Variants in TSPAN12 observed in about 807,000 individuals in gnomAD.
TSPAN12 encodes tetraspanin 12, also known as tetraspanin-12.
TSPAN12 carries 19 observed loss-of-function variants against 39.2 expected under a neutral mutation model. The ratio of observed to expected loss-of-function variants is 0.49; its 90% CI spans 0.34 to 0.71. The LOEUF is 0.71. TSPAN12 is among the 30% of genes least tolerant of loss of function. The probability of loss-of-function intolerance (pLI) is 0.01; values close to 1 mark genes in which losing one functional copy is unlikely to be tolerated. For synonymous variants in TSPAN12, 119 were observed against 124.8 expected (o/e 0.95, Z 0.31); for missense variants, 314 against 359.9 (o/e 0.87, Z 1.03).
intron 7 of TSPAN12, among the ~76,000 whole-genome samples, chr7:120,800,843 G>A (rs1358111183): frequency 7.0e-6 from 1 of 143,350 alleles, no homozygotes; most frequent in African/African-American, 2.6e-5. Context: ...TCACCGCCTA[G>A]GTTCACCTCC....
chr7:120,818,940 A>G (rs1285674018), intron 4 of TSPAN12, among the ~76,000 whole-genome samples: 1 of 152,126 alleles, frequency 6.6e-6, no homozygotes, highest in African/African-American at 2.4e-5. Flanking sequence ...TTTACTTAAG[A>G]GATTTCTAGA....
At position 120,806,632 on chromosome 7, in the gene TSPAN12, G is replaced by A. The variant is rs1793879914; in HGVS notation, c.529C>T (p.Pro177Ser). The change falls in exon 7 of 8, where the codon CCC becomes TCC. Residue 177 changes from proline to serine, a missense_variant. Physicochemically the swap from Pro to Ser is moderately conservative, Grantham distance 74 (BLOSUM62 -1). Coordinates refer to ENST00000222747, the MANE Select transcript of TSPAN12 (RefSeq NM_012338.4). ...TCTCTAACACAGCAGGAATCTGGGG[G>A]CCAGTCCATCTCTGTCATTTCCAAC... ...DWLEMTEMDW[P>S]PDSCCVREFP... 1 of 1,613,370 alleles carries A rather than the reference G, an allele frequency of 6.2e-7. No homozygotes were observed. Among genetic ancestry groups the A allele is most frequent in the African/African-American group, 1.3e-5 (1 of 74,836 alleles).
chr7:120,856,811 C>T lies in TSPAN12; in HGVS notation c.-48G>A. ...CCCCATCCTTTCACCACATCCTACTCCCAAGGGCAAAACGGCAGCGATCTG... is the reference window on the plus strand; with the variant it reads ...CCCCATCCTTTCACCACATCCTACTTCCAAGGGCAAAACGGCAGCGATCTG... On this transcript the variant is annotated 5_prime_UTR_variant, in exon 2 of 8. Coordinates refer to ENST00000222747, the MANE Select transcript of TSPAN12 (RefSeq NM_012338.4). The T allele has an allele frequency of 6.2e-7, 1 of 1,606,428 alleles. No homozygotes were observed. Among genetic ancestry groups the T allele is most frequent in the South Asian group, 1.1e-5 (1 of 90,932 alleles).
At chr7:120,856,506 T>C (rs973354080) in intron 2 of TSPAN12, among the ~76,000 whole-genome samples, 192 bp downstream of exon 2, 1 of 152,246 alleles carries the variant, frequency 6.6e-6, no homozygotes, top group Non-Finnish European at 1.5e-5. Flanking sequence ...ATTTCTTTGT[T>C]CTAATTACAA....
In TSPAN12 at chr7:120,788,797, ATGG is replaced by A; in HGVS notation, c.710_712del (p.Ala237_Met238delinsVal). The A allele has an allele frequency of 6.2e-7, 1 of 1,614,182 alleles. No homozygotes were observed. Among genetic ancestry groups the A allele is most frequent in the Non-Finnish European group, 8.5e-7 (1 of 1,180,026 alleles). On this transcript the variant is annotated inframe_deletion, in exon 8 of 8. Transcript: ENST00000222747. ...CCAGAGCAGAGTAATGGTGAGAATCATGGCCAGGATTTGTGTCACCCCAATGGA... is the reference window on the plus strand; with the variant it reads ...CCAGAGCAGAGTAATGGTGAGAATCACCAGGATTTGTGTCACCCCAATGGA...
rs527854905 is a variant in TSPAN12 at position 120,797,893 on chromosome 7, C to T, written c.612+8656G>A. On this transcript the variant is annotated intron_variant, in intron 7 of 7. Transcript: ENST00000222747. Reference sequence around the variant, plus strand: ...CTACCTTAATTTCCCTGCCTTAAGACCCAATCTTCAGCTTAATTTCCCCAC... The same window carrying T: ...CTACCTTAATTTCCCTGCCTTAAGATCCAATCTTCAGCTTAATTTCCCCAC... 2.4e-4 allele frequency among the ~76,000 whole-genome samples: 37 copies of T among 152,326 alleles called. No homozygotes were observed. In the South Asian group the frequency reaches 6.4e-3, roughly 26 times the overall value.
intron 5 of TSPAN12, 50 bp from the exon 6 acceptor site, chr7:120,810,620 AGATT>A (rs769871654): frequency 2.4e-6 from 2 of 833,026 alleles, no homozygotes; most frequent in Non-Finnish European, 4.0e-6. Flanking sequence ...ACACAGACAC[AGATT>A]CACACACACA....
chr7:120,809,053 A>C (rs1793928353), intron 6 of TSPAN12, among the ~76,000 whole-genome samples: 1 of 151,714 alleles, frequency 6.6e-6, no homozygotes, highest in African/African-American at 2.4e-5. Context: ...CAGTCATTGC[A>C]AACTAATATA....
At chr7:120,797,762 T>C (rs1793661855) in intron 7 of TSPAN12, among the ~76,000 whole-genome samples, 1 of 152,208 alleles carries the variant, frequency 6.6e-6, no homozygotes, top group African/African-American at 2.4e-5. Flanking sequence ...CCAGTCCTGT[T>C]CATTCTGCCT....
At chr7:120,847,248 C>A (rs78400000) in intron 2 of TSPAN12, among the ~76,000 whole-genome samples, 13,916 of 121,478 alleles carry the variant, frequency 0.11, 1,184 homozygotes, top group East Asian at 0.32. Context: ...AAAAAAAAAA[C>A]AAAAAACCAG....
At chr7:120,826,975 G>A (rs769325740) in intron 4 of TSPAN12, among the ~76,000 whole-genome samples, 7 of 152,000 alleles carry the variant, frequency 4.6e-5, no homozygotes, top group Non-Finnish European at 7.4e-5. Context: ...CACCTGCCTC[G>A]GCCTCCCAAA....
In TSPAN12 at chr7:120,840,077, A is replaced by G; in HGVS notation, c.99T>C (p.Ala33=). ...CATTATTTAGGTAGTCCCTCATCCAAGCAGAAACTGCCAACACACTGATGG... is the reference window on the plus strand; with the variant it reads ...CATTATTTAGGTAGTCCCTCATCCAGGCAGAAACTGCCAACACACTGATGG... ...LMSISVLAVS[A]WMRDYLNNVL... The change falls in exon 3 of 8, where the codon GCT becomes GCC. Residue 33 remains alanine, a synonymous_variant. Coordinates refer to ENST00000222747, the MANE Select transcript of TSPAN12 (RefSeq NM_012338.4). The G allele has an allele frequency of 6.2e-7, 1 of 1,613,964 alleles. No individual in the cohort carries two copies.
chr7:120,844,004 C>T (rs1220822064), intron 2 of TSPAN12, among the ~76,000 whole-genome samples: 1 of 152,096 alleles, frequency 6.6e-6, no homozygotes, highest in Non-Finnish European at 1.5e-5. Flanking sequence ...TCAGGCTGTA[C>T]AGGAAACATG....
chr7:120,856,886 A>G, intron 1 of TSPAN12, 53 bp from the exon 2 acceptor site: 1 of 1,093,182 alleles, frequency 9.1e-7, no homozygotes, highest in Non-Finnish European at 1.4e-6. Context: ...CACGCTTCCC[A>G]CAGCCTGCCC....
rs574597231 is a variant in TSPAN12 at position 120,840,838 on chromosome 7, T to C, written c.67-729A>G. 4.6e-5 allele frequency among the ~76,000 whole-genome samples: 7 copies of C among 152,376 alleles called. No individual in the cohort carries two copies. The South Asian group carries it at 1.4e-3, about 32-fold the overall frequency. ...TCTGTAATATTTGCAGGAAGCATTC[T>C]AGAGCATCACCATTTAACAACCTTT... is the stretch of plus-strand genomic sequence containing the variant. On this transcript the variant is annotated intron_variant, in intron 2 of 7. Coordinates refer to ENST00000222747, the MANE Select transcript of TSPAN12 (RefSeq NM_012338.4).
intron 7 of TSPAN12, among the ~76,000 whole-genome samples, chr7:120,794,611 C>T (rs763543796): frequency 3.9e-5 from 6 of 152,210 alleles, no homozygotes; most frequent in Non-Finnish European, 5.9e-5. Context: ...CCTGTACAGC[C>T]TGCAGAACTT....
rs1794912999 is a variant in TSPAN12, at chr7:120,858,124, A to G, written c.-375T>C. 6.6e-6 allele frequency: 1 copy of G among 152,236 alleles called. No individual in the cohort carries two copies. The highest frequency in any genetic ancestry group is 1.5e-5 in the Non-Finnish European group (1 of 68,140). 9.4% of individuals were successfully genotyped at this position (152,236 alleles called of 1,614,324 possible). A position where few individuals can be genotyped will look rare whatever the true frequency, so the allele number is the denominator to read the frequency against. ...CGAGGCAGCGGCGGCAGCCAGGGCC[A>G]GCTGCACAAACTCTCAGCGCATGCT... On this transcript the variant is annotated 5_prime_UTR_variant, in exon 1 of 8. Coordinates refer to ENST00000222747, the MANE Select transcript of TSPAN12 (RefSeq NM_012338.4).
intron 7 of TSPAN12, among the ~76,000 whole-genome samples, chr7:120,789,832 G>A (rs1319606702): frequency 1.3e-5 from 2 of 152,144 alleles, no homozygotes; most frequent in Non-Finnish European, 2.9e-5. Context: ...CAACAGAAAA[G>A]GGCTACCTGG....
chr7:120,827,417 C>T (rs951405968), intron 4 of TSPAN12, among the ~76,000 whole-genome samples: 2 of 151,886 alleles, frequency 1.3e-5, no homozygotes, highest in Middle Eastern at 3.5e-3. Context: ...TTTTTATTCC[C>T]ACAGAAAAAA....
Sources: allele counts gnomAD v4.1 joint callset (sites outside exome capture counted in the v4.1 genomes callset), GRCh38; gene constraint gnomAD v4.1.1; transcripts MANE v1.5; gene names NCBI Gene and HGNC (gene_info 2026-07-23, HGNC 2026-07-21).